Variants in POLR2B observed in about 807,000 individuals in gnomAD.
The protein encoded by POLR2B is DNA-directed RNA polymerase II subunit RPB2.
A neutral mutation model predicts 144.6 loss-of-function variants in POLR2B; 57 were observed. The observed-to-expected ratio is 0.39, with a 90% CI of 0.32 to 0.49. The LOEUF (loss-of-function observed/expected upper bound fraction) is 0.49, where lower values mean the gene tolerates loss of function less well. Ranked by LOEUF, POLR2B falls within the 20% of genes least tolerant of loss-of-function variation. POLR2B has a pLI of 0.83. For synonymous variants in POLR2B, 442 were observed against 469.8 expected, an observed-to-expected ratio of 0.94 and a Z score of 0.77; for missense variants, 595 against 1,467.4, an observed-to-expected ratio of 0.41 and a Z score of 9.71.
In POLR2B at chr4:57,025,414, C is replaced by T. The variant is rs761827829; in HGVS notation, c.3116C>T (p.Ser1039Leu). 6.2e-7 allele frequency: 1 copy of T among 1,613,044 alleles called. No individual in the cohort carries two copies. The highest frequency in any genetic ancestry group is 1.3e-5 in the African/African-American group (1 of 74,894). ...GGGTTCACTGGTCGAAAAATCACAT[C>T]ACAAATATTTATTGGCCCCACTTAT... is the stretch of plus-strand genomic sequence containing the variant. ...YNGFTGRKITSQIFIGPTYYQ... is the reference protein window; with the variant it reads ...YNGFTGRKITLQIFIGPTYYQ... Residue 1039 changes from serine (S) to leucine (L), a missense_variant, in exon 23 of 25, where the codon TCA becomes TTA. Ser to Leu is a moderately radical substitution (Grantham distance 145). Around this residue, in one of 9 missense-constraint regions of POLR2B, gnomAD observed 65 missense variants for 282.8 expected, o/e 0.23. Coordinates refer to ENST00000314595, the MANE Select transcript of POLR2B (RefSeq NM_000938.3).
At chr4:57,000,222 G>A (rs1296540018) in intron 7 of POLR2B, among the ~76,000 whole-genome samples, 1 of 152,202 alleles carries the variant, frequency 6.6e-6, no homozygotes, top group Non-Finnish European at 1.5e-5. Context: ...GATCACTTGA[G>A]TCCACAAGAC....
At position 57,005,421 on chromosome 4, in the gene POLR2B, C is replaced by A; in HGVS notation, c.1076C>A (p.Thr359Asn). 6.3e-7 allele frequency: 1 copy of A among 1,585,168 alleles called. No homozygotes were observed. Among genetic ancestry groups the A allele is most frequent in the South Asian group, 1.2e-5 (1 of 85,004 alleles). Residue 359 changes from threonine (T) to asparagine (N), a missense_variant, in exon 8 of 25, where the codon ACC becomes AAC. Physicochemically the swap from Thr to Asn is moderately conservative, Grantham distance 65 (BLOSUM62 0). This residue lies in a region of POLR2B where 251 missense variants were observed against 567.3 expected (regional missense o/e 0.44). Coordinates refer to ENST00000314595, the MANE Select transcript of POLR2B (RefSeq NM_000938.3). Reference protein sequence around the residue: ...PHVGVSDFCETKKAYFLGYMV... With the variant: ...PHVGVSDFCENKKAYFLGYMV... ...GTTGGTGTCAGTGATTTTTGTGAGA[C>A]CAAAAAAGCCTATTTCTTGGGGTAT...
intron 10 of POLR2B, 152 bp from the exon 11 acceptor site, chr4:57,010,209 A>C (rs750398671): frequency 4.6e-6 from 3 of 653,806 alleles, no homozygotes; most frequent in Non-Finnish European, 5.1e-6. Flanking sequence ...AGGTAAGTTA[A>C]AGTGTCAAAC....
At position 57,030,946 on chromosome 4, in the gene POLR2B, A is replaced by G. The variant is rs1401535156; in HGVS notation, c.3483A>G (p.Glu1161=). The part of the protein sequence containing the change: ...MPYACKLLFQ[E]LMSMSIAPRM... ...ACGCATGCAAACTATTGTTTCAGGAACTTATGTCTATGAGTATTGCACCGC... is the reference window on the plus strand; with the variant it reads ...ACGCATGCAAACTATTGTTTCAGGAGCTTATGTCTATGAGTATTGCACCGC... The change falls in exon 25 of 25, where the codon GAA becomes GAG. Residue 1161 remains glutamate, a synonymous_variant. Coordinates refer to ENST00000314595, the MANE Select transcript of POLR2B (RefSeq NM_000938.3). 1 of 1,609,484 alleles carries G rather than the reference A, an allele frequency of 6.2e-7. No individual in the cohort carries two copies. Among genetic ancestry groups the G allele is most frequent in the East Asian group, 2.2e-5 (1 of 44,840 alleles).
chr4:56,999,648 T>C lies in POLR2B; in HGVS notation c.767T>C (p.Ile256Thr), dbSNP rs1469792357. Residue 256 changes from isoleucine to threonine, a missense_variant, in exon 7 of 25, where the codon ATT (isoleucine) becomes ACT (threonine). Ile to Thr is a moderately conservative substitution (Grantham distance 89, BLOSUM62 -1). Around this residue, in one of 9 missense-constraint regions of POLR2B, gnomAD observed 251 missense variants for 567.3 expected, o/e 0.44. Coordinates refer to ENST00000314595, the MANE Select transcript of POLR2B (RefSeq NM_000938.3). ...AAGAAGAGTGCTATTGGTCAGCGCATTGTGGCAACTCTACCATATATCAAG... is the reference window on the plus strand; with the variant it reads ...AAGAAGAGTGCTATTGGTCAGCGCACTGTGGCAACTCTACCATATATCAAG... Reference protein sequence around the residue: ...GAKKSAIGQRIVATLPYIKQE... With the variant: ...GAKKSAIGQRTVATLPYIKQE... The C allele has an allele frequency of 6.2e-7, 1 of 1,612,836 alleles. No individual in the cohort carries two copies. The highest frequency in any genetic ancestry group is 8.5e-7 in the Non-Finnish European group (1 of 1,179,114).
intron 6 of POLR2B, among the ~76,000 whole-genome samples, chr4:56,997,487 G>C (rs1489846139): frequency 1.3e-5 from 2 of 152,284 alleles, no homozygotes; most frequent in Admixed American, 1.3e-4. Flanking sequence ...GAACTCCTGA[G>C]CTCAAGTGAC....
intron 21 of POLR2B, among the ~76,000 whole-genome samples, chr4:57,024,505 T>C (rs1723653465): frequency 6.6e-6 from 1 of 152,326 alleles, no homozygotes; most frequent in East Asian, 1.9e-4. Context: ...GTGGTAATAG[T>C]CTAACATATG....
intron 2 of POLR2B, among the ~76,000 whole-genome samples, chr4:56,988,861 TTTATC>T (rs1471477734): frequency 1.3e-5 from 2 of 152,164 alleles, no homozygotes; most frequent in Non-Finnish European, 2.9e-5. Flanking sequence ...GAAAAAATAT[TTTATC>T]TTAGGTGAAA....
chr4:57,025,096 A>T (rs962745322), intron 22 of POLR2B, 97 bp downstream of exon 22: 1 of 682,330 alleles, frequency 1.5e-6, no homozygotes, highest in Non-Finnish European at 2.6e-6. Flanking sequence ...GAAGTATCAT[A>T]TGTGCACATA....
At chr4:57,026,190 A>T (rs958200828) in intron 23 of POLR2B, among the ~76,000 whole-genome samples, 7 of 151,760 alleles carry the variant, frequency 4.6e-5, no homozygotes, top group Non-Finnish European at 8.8e-5. Flanking sequence ...GTGAGCCGAG[A>T]TCACACCCCT....
chr4:56,991,612 A>G (rs555956056), intron 3 of POLR2B, among the ~76,000 whole-genome samples: 2 of 152,158 alleles, frequency 1.3e-5, no homozygotes, highest in Non-Finnish European at 2.9e-5. Context: ...TAGCCTGATC[A>G]GTTTCTCTTC....
At chr4:56,996,663 A>G (rs929480186) in intron 6 of POLR2B, among the ~76,000 whole-genome samples, 3 of 152,168 alleles carry the variant, frequency 2.0e-5, no homozygotes, top group African/African-American at 4.8e-5. Context: ...TAATGATCAA[A>G]TTAGGGTACT....
chr4:56,979,383 T>TG (rs1179831679), intron 1 of POLR2B, among the ~76,000 whole-genome samples: 2 of 136,884 alleles, frequency 1.5e-5, no homozygotes, highest in Non-Finnish European at 3.0e-5. Flanking sequence ...AATTGTTGAG[T>TG]GTCAGCCTGT....
rs770831098 is a variant in POLR2B, at chr4:57,025,363, T to C, written c.3079-14T>C. On this transcript the variant is annotated splice_polypyrimidine_tract_variant and intron_variant, in intron 22 of 24. Transcript: ENST00000314595. Reference sequence around the variant, plus strand: ...ATTTTTAGGTCTACACTTCAAAATCTGTGTTTGTTGCAGGTCCTGTACAAT... The same window carrying C: ...ATTTTTAGGTCTACACTTCAAAATCCGTGTTTGTTGCAGGTCCTGTACAAT... 6.2e-7 allele frequency: 1 copy of C among 1,603,020 alleles called. No individual in the cohort carries two copies. Among genetic ancestry groups the C allele is most frequent in the Non-Finnish European group, 8.5e-7 (1 of 1,170,132 alleles).
chr4:56,994,997 T>G (rs928881250), intron 5 of POLR2B, 131 bp downstream of exon 5: 1 of 680,396 alleles, frequency 1.5e-6, no homozygotes, highest in African/African-American at 1.8e-5. Context: ...TTGACTTGTT[T>G]AGGGTATGAC....
intron 16 of POLR2B, among the ~76,000 whole-genome samples, chr4:57,019,000 T>C (rs1049560023): frequency 6.6e-6 from 1 of 152,178 alleles, no homozygotes; most frequent in Admixed American, 6.5e-5. Flanking sequence ...GTGGGTAACA[T>C]TTGTTATTTG....
intron 1 of POLR2B, 103 bp downstream of exon 1, chr4:56,979,107 C>A: frequency 8.4e-7 from 1 of 1,187,222 alleles, no homozygotes; most frequent in Non-Finnish European, 1.3e-6. Flanking sequence ...GCGCCGGCTG[C>A]ACAGTCCCCA....
chr4:57,007,693 T>C (rs1258869314), intron 10 of POLR2B, among the ~76,000 whole-genome samples: 1 of 152,214 alleles, frequency 6.6e-6, no homozygotes, highest in Non-Finnish European at 1.5e-5. Context: ...TTTCTATATG[T>C]TGGTCTGTTG....
intron 17 of POLR2B, among the ~76,000 whole-genome samples, chr4:57,021,675 A>G (rs765541235): frequency 6.6e-5 from 10 of 151,616 alleles, no homozygotes; most frequent in African/African-American, 1.9e-4. Flanking sequence ...GTTGTTTGGT[A>G]TTTTTAGTAG....
Sources: allele counts gnomAD v4.1 joint callset (sites outside exome capture counted in the v4.1 genomes callset), GRCh38; gene constraint gnomAD v4.1.1; regional missense constraint gnomAD v4.1.1; transcripts MANE v1.5; gene names NCBI Gene and HGNC (gene_info 2026-07-23, HGNC 2026-07-21).